CAMK1D: variants seen among roughly 807,000 people sequenced by gnomAD.
The protein encoded by CAMK1D is calcium/calmodulin-dependent protein kinase type 1D.
A neutral mutation model predicts 47.7 loss-of-function variants in CAMK1D; 9 were observed. The ratio of observed to expected loss-of-function variants is 0.19; its 90% CI spans 0.11 to 0.33. The LOEUF (loss-of-function observed/expected upper bound fraction) is 0.33. CAMK1D is among the 10% of genes least tolerant of loss of function. The pLI, the probability that CAMK1D is intolerant of heterozygous loss-of-function variation, is 1.00. For synonymous variants in CAMK1D, 184 were observed against 184.9 expected (o/e 0.99, Z 0.04); for missense variants, 291 against 488.7 (o/e 0.60, Z 3.81).
chr10:12,577,210 G>C (rs1012692023), intron 2 of CAMK1D, among the ~76,000 whole-genome samples: 1 of 152,144 alleles, frequency 6.6e-6, no homozygotes, highest in South Asian at 2.1e-4. Context: ...GGAGGTCCCC[G>C]GACACACAGC....
At chr10:12,614,442 G>A (rs532075118) in intron 2 of CAMK1D, among the ~76,000 whole-genome samples, 3 of 152,198 alleles carry the variant, frequency 2.0e-5, no homozygotes, top group African/African-American at 4.8e-5. Context: ...ATAGAGTACG[G>A]TTATATTTTG....
chr10:12,407,461 C>A (rs755128507), intron 1 of CAMK1D, among the ~76,000 whole-genome samples: 4 of 152,246 alleles, frequency 2.6e-5, no homozygotes, highest in Admixed American at 6.5e-5. Flanking sequence ...CCTTCTCCCC[C>A]ATCCCTGTCT....
chr10:12,815,102 A>G (rs1338009525), intron 7 of CAMK1D, among the ~76,000 whole-genome samples: 2 of 152,232 alleles, frequency 1.3e-5, no homozygotes, highest in Non-Finnish European at 2.9e-5. Flanking sequence ...CCGAGGCCCC[A>G]GAAGGTGAAA....
intron 2 of CAMK1D, among the ~76,000 whole-genome samples, chr10:12,579,127 G>T (rs888092865): frequency 1.3e-5 from 2 of 152,100 alleles, no homozygotes; most frequent in African/African-American, 4.8e-5. Context: ...GTGTGGGAGC[G>T]CGAGGAGTCC....
intron 3 of CAMK1D, among the ~76,000 whole-genome samples, chr10:12,750,773 A>G (rs1835907034): frequency 1.3e-5 from 2 of 152,194 alleles, no homozygotes; most frequent in Admixed American, 6.5e-5. Flanking sequence ...TAGGCAGGCC[A>G]GATGCCATGG....
chr10:12,601,723 A>G (rs1838309891), intron 2 of CAMK1D, among the ~76,000 whole-genome samples: 3 of 152,138 alleles, frequency 2.0e-5, no homozygotes, highest in Non-Finnish European at 4.4e-5. Context: ...CGGCCTCCCA[A>G]AGTGTTGGGA....
At chr10:12,744,192 A>G (rs1373672335) in intron 3 of CAMK1D, among the ~76,000 whole-genome samples, 1 of 152,206 alleles carries the variant, frequency 6.6e-6, no homozygotes, top group Non-Finnish European at 1.5e-5. Context: ...AATATTCCGT[A>G]TATGGATTAT....
intron 4 of CAMK1D, among the ~76,000 whole-genome samples, chr10:12,761,986 A>G (rs147786206): frequency 6.6e-6 from 1 of 152,228 alleles, no homozygotes; most frequent in African/African-American, 2.4e-5. Context: ...GCACAGAAGG[A>G]TCTGGGCCTT....
At chr10:12,809,422 T>G (rs950716523) in intron 6 of CAMK1D, among the ~76,000 whole-genome samples, 1 of 152,190 alleles carries the variant, frequency 6.6e-6, no homozygotes, top group Non-Finnish European at 1.5e-5. Flanking sequence ...AATCAAGATA[T>G]TGAAGAGAGA....
chr10:12,825,994 G>A (rs948677341), intron 10 of CAMK1D: 9 of 344,106 alleles, frequency 2.6e-5, no homozygotes, highest in East Asian at 1.1e-4. Flanking sequence ...AAAATTAGCC[G>A]GGTGTGGTGG....
At chr10:12,528,157 T>A (rs963083753) in intron 1 of CAMK1D, among the ~76,000 whole-genome samples, 1 of 152,190 alleles carries the variant, frequency 6.6e-6, no homozygotes, top group African/African-American at 2.4e-5. Flanking sequence ...ATTAAGTAAT[T>A]TGCCAAGGTC....
chr10:12,577,860 T>C, intron 2 of CAMK1D, among the ~76,000 whole-genome samples: 1 of 152,344 alleles, frequency 6.6e-6, no homozygotes, highest in African/African-American at 2.4e-5. Flanking sequence ...TTTGCTAATG[T>C]CATTCCCAGG....
At chr10:12,711,798 C>T (rs1833947215) in intron 3 of CAMK1D, among the ~76,000 whole-genome samples, 1 of 152,176 alleles carries the variant, frequency 6.6e-6, no homozygotes, top group Admixed American at 6.5e-5. Context: ...CAGTGCTAGT[C>T]TAGAATGAAG....
intron 3 of CAMK1D, among the ~76,000 whole-genome samples, chr10:12,747,713 C>T (rs137893275): frequency 2.6e-4 from 40 of 152,148 alleles, no homozygotes; most frequent in Non-Finnish European, 5.3e-4. Context: ...AGCTGGAGAC[C>T]CCGGAGAGCT....
At chr10:12,391,536 C>T (rs543093771) in intron 1 of CAMK1D, among the ~76,000 whole-genome samples, 1 of 152,046 alleles carries the variant, frequency 6.6e-6, no homozygotes, top group South Asian at 2.1e-4. Context: ...AAAAAAATTC[C>T]ATTTTAAGTA....
intron 2 of CAMK1D, among the ~76,000 whole-genome samples, chr10:12,634,046 C>T (rs1388695949): frequency 1.3e-5 from 2 of 152,148 alleles, no homozygotes; most frequent in Non-Finnish European, 2.9e-5. Context: ...CCTCTCTCAG[C>T]GGCTCCTGGG....
chr10:12,828,851 C>G lies in CAMK1D; in HGVS notation c.1122C>G (p.Pro374=), dbSNP rs1422444302. The part of the protein sequence containing the change: ...SGVGAERRPR[P]TTVTAVHSGS... ...TTGGAGCCGAGCGGAGACCCAGGCC[C>G]ACCACTGTGACGGCAGTGCACTCTG... The change falls in exon 11 of 11, where the codon CCC becomes CCG. Residue 374 remains proline (P), a synonymous_variant. Coordinates refer to ENST00000619168, the MANE Select transcript of CAMK1D (RefSeq NM_153498.4). 6.2e-7 allele frequency: 1 copy of G among 1,613,504 alleles called. No homozygotes were observed. Among genetic ancestry groups the G allele is most frequent in the Non-Finnish European group, 8.5e-7 (1 of 1,179,900 alleles).
intron 1 of CAMK1D, among the ~76,000 whole-genome samples, chr10:12,357,648 T>C (rs913423083): frequency 1.3e-5 from 2 of 152,238 alleles, no homozygotes; most frequent in Admixed American, 6.5e-5. Flanking sequence ...AGGAACTGCT[T>C]ATAGGCAGCC....
intron 1 of CAMK1D, among the ~76,000 whole-genome samples, chr10:12,367,768 G>T (rs1287088152): frequency 6.6e-6 from 1 of 152,232 alleles, no homozygotes; most frequent in East Asian, 1.9e-4. Context: ...AGTGATGGGG[G>T]CGTCTGTAAA....
Sources: gnomAD v4.1 joint callset for allele counts (sites outside exome capture counted in the v4.1 genomes callset) on GRCh38, gnomAD v4.1.1 for gene constraint, MANE v1.5 for transcripts, NCBI Gene and HGNC (gene_info 2026-07-23, HGNC 2026-07-21) for gene names.